CEP112: variants seen among roughly 807,000 people sequenced by gnomAD.
CEP112 encodes the protein centrosomal protein of 112 kDa.
Under a neutral mutation model 153.0 loss-of-function variants are expected in CEP112, and 127 were observed. That is an observed-to-expected ratio of 0.83 (90% CI 0.72 to 0.96). CEP112 has a LOEUF of 0.96. CEP112 is among the 40% of genes least tolerant of loss of function. The pLI is 0.00. For synonymous variants in CEP112, 358 were observed against 374.4 expected, an observed-to-expected ratio of 0.96 and a Z score of 0.51; for missense variants, 1,089 against 1,101.2, an observed-to-expected ratio of 0.99 and a Z score of 0.16.
intron 4 of CEP112, among the ~76,000 whole-genome samples, chr17:66,148,839 T>C (rs188114014): frequency 6.7e-6 from 1 of 150,230 alleles, no homozygotes; most frequent in Non-Finnish European, 1.5e-5. Flanking sequence ...GATGACTTTT[T>C]CTTTTTCTTT....
At chr17:65,989,791 A>G (rs1000966723) in intron 17 of CEP112, among the ~76,000 whole-genome samples, 4 of 152,236 alleles carry the variant, frequency 2.6e-5, no homozygotes, top group African/African-American at 7.2e-5. Context: ...AGACAAACCT[A>G]TAAAAAACAA....
At position 66,028,306 on chromosome 17, in the gene CEP112, G is replaced by C. The variant is rs2065310466; in HGVS notation, c.1596+7C>G. 6.6e-7 allele frequency: 1 copy of C among 1,523,776 alleles called. No homozygotes were observed. The highest frequency in any genetic ancestry group is 1.4e-5 in the African/African-American group (1 of 71,642). 94.4% of individuals were successfully genotyped at this position (1,523,776 alleles called of 1,614,324 possible). Reference sequence around the variant, plus strand: ...ATTGTTCTTCTGTGTAGAAATACAAGACTCACCCTTAGTTGTTGCTTTCTT... The same window carrying C: ...ATTGTTCTTCTGTGTAGAAATACAACACTCACCCTTAGTTGTTGCTTTCTT... On this transcript the variant is annotated splice_region_variant and intron_variant, in intron 15 of 26. Coordinates refer to ENST00000535342, the MANE Select transcript of CEP112 (RefSeq NM_001199165.4).
At chr17:66,006,231 T>C (rs2064267201) in intron 16 of CEP112, among the ~76,000 whole-genome samples, 1 of 151,710 alleles carries the variant, frequency 6.6e-6, no homozygotes, top group African/African-American at 2.4e-5. Context: ...CCCTCCCCAC[T>C]CCCCGCACCA....
intron 17 of CEP112, among the ~76,000 whole-genome samples, chr17:65,971,237 A>G (rs1458319719): frequency 6.6e-6 from 1 of 152,210 alleles, no homozygotes. Flanking sequence ...ACATACGTGC[A>G]AAACATGCAC....
At chr17:65,687,227 C>T (rs956088180) in intron 24 of CEP112, among the ~76,000 whole-genome samples, 1 of 130,658 alleles carries the variant, frequency 7.7e-6, no homozygotes, top group African/African-American at 3.0e-5. Context: ...AGCGCAGTGG[C>T]GTGATCTCGG....
chr17:66,050,096 C>T (rs1346739566), intron 12 of CEP112, among the ~76,000 whole-genome samples: 1 of 152,050 alleles, frequency 6.6e-6, no homozygotes, highest in African/African-American at 2.4e-5. Context: ...ATATAAAAAT[C>T]AAAGAGATGA....
At chr17:65,889,549 A>G (rs1335346922) in intron 20 of CEP112, among the ~76,000 whole-genome samples, 3 of 151,686 alleles carry the variant, frequency 2.0e-5, no homozygotes, top group Non-Finnish European at 4.4e-5. Flanking sequence ...CTTCTTGTCC[A>G]GCTCTATTTC....
At chr17:65,929,878 C>T (rs2061062854) in intron 18 of CEP112, among the ~76,000 whole-genome samples, 1 of 152,178 alleles carries the variant, frequency 6.6e-6, no homozygotes, top group South Asian at 2.1e-4. Context: ...TTGGATCTAA[C>T]TTTTTCTATC....
At chr17:66,061,850 G>A (rs1047756320) in intron 11 of CEP112, among the ~76,000 whole-genome samples, 2 of 152,164 alleles carry the variant, frequency 1.3e-5, no homozygotes, top group Middle Eastern at 3.4e-3. Context: ...TTATTGATAG[G>A]GTTTGGCTGT....
chr17:66,146,778 A>C lies in CEP112; in HGVS notation c.471-14015T>G, dbSNP rs2070937189. On this transcript the variant is annotated intron_variant, in intron 4 of 26. Coordinates refer to ENST00000535342, the MANE Select transcript of CEP112 (RefSeq NM_001199165.4). ...GTTAAACGGTATCTGTCTTTTTGTG[A>C]CTGGTTTATTCACTTAGCATAATGT... Among the ~76,000 whole-genome samples the C allele has an allele frequency of 4.6e-5, 7 of 152,040 alleles. No individual in the cohort carries two copies. In the South Asian group the frequency reaches 1.4e-3, roughly 31 times the overall value.
At position 66,029,206 on chromosome 17, in the gene CEP112, C is replaced by G. The variant is rs776397228; in HGVS notation, c.1420G>C (p.Glu474Gln). 3.1e-6 allele frequency: 5 copies of G among 1,611,496 alleles called. No homozygotes were observed. The African/African-American group carries it at 4.0e-5, about 13-fold the overall frequency. The part of the protein sequence containing the change: ...KEKDHLVNDY[E>Q]QNMKLLQTKY... ...GTTTGTAACAGTTTCATGTTTTGCT[C>G]ATAATCATTTACAAGATGGTCCTTC... The change falls in exon 14 of 27, where the codon GAG becomes CAG. Residue 474 changes from glutamate to glutamine, a missense_variant. By Grantham distance (29) the Glu-to-Gln change is conservative (BLOSUM62 2). Transcript: ENST00000535342.
intron 21 of CEP112, among the ~76,000 whole-genome samples, chr17:65,793,251 C>T (rs570906867): frequency 1.3e-5 from 2 of 152,146 alleles, no homozygotes; most frequent in Admixed American, 6.6e-5. Context: ...AACCAAATAC[C>T]GCATGTTCTC....
chr17:65,776,052 T>C (rs2053657105), intron 21 of CEP112, among the ~76,000 whole-genome samples: 1 of 152,136 alleles, frequency 6.6e-6, no homozygotes, highest in Admixed American at 6.5e-5. Context: ...GCAGCAAACA[T>C]ACCTCTGAGG....
intron 23 of CEP112, among the ~76,000 whole-genome samples, chr17:65,699,191 G>A (rs756405295): frequency 5.9e-5 from 9 of 152,138 alleles, no homozygotes; most frequent in African/African-American, 1.2e-4. Context: ...CCAGAGCAGC[G>A]GCCTTTGCCC....
At chr17:65,859,795 A>T (rs8074863) in intron 20 of CEP112, among the ~76,000 whole-genome samples, 126,660 of 145,932 alleles carry the variant, frequency 0.87, 55,193 homozygotes, top group East Asian at 0.94. Flanking sequence ...GATCACAAGG[A>T]CAGGAGTTTG....
At chr17:65,993,469 A>G (rs2063669636) in intron 17 of CEP112, among the ~76,000 whole-genome samples, 1 of 152,192 alleles carries the variant, frequency 6.6e-6, no homozygotes, top group Non-Finnish European at 1.5e-5. Flanking sequence ...TATTCTTAAC[A>G]AAACATAAAA....
intron 19 of CEP112, among the ~76,000 whole-genome samples, chr17:65,906,758 T>C (rs2143701392): frequency 6.6e-6 from 1 of 152,322 alleles, no homozygotes; most frequent in South Asian, 2.1e-4. Flanking sequence ...CACAGAACTA[T>C]GTTAATCCCA....
chr17:65,705,059 C>G (rs1043768384), intron 23 of CEP112, among the ~76,000 whole-genome samples: 1 of 152,200 alleles, frequency 6.6e-6, no homozygotes, highest in Non-Finnish European at 1.5e-5. Context: ...TTCTGAACTA[C>G]TAAGCAAAAT....
intron 24 of CEP112, among the ~76,000 whole-genome samples, chr17:65,648,039 T>G (rs951703614): frequency 2.0e-5 from 3 of 152,168 alleles, no homozygotes; most frequent in African/African-American, 7.2e-5. Flanking sequence ...TATTTGAATA[T>G]TAAATTCATT....
Sources: allele counts gnomAD v4.1 joint callset (sites outside exome capture counted in the v4.1 genomes callset), GRCh38; gene constraint gnomAD v4.1.1; transcripts MANE v1.5; gene names NCBI Gene and HGNC (gene_info 2026-07-23, HGNC 2026-07-21).